WHRN: variants seen among roughly 807,000 people sequenced by gnomAD.
The protein encoded by WHRN is CASK-interacting protein CIP98.
WHRN carries 41 observed loss-of-function variants against 68.3 expected under a neutral mutation model. The observed-to-expected ratio is 0.60, with a 90% CI of 0.47 to 0.78. The LOEUF is 0.78. WHRN is among the 30% of genes least tolerant of loss of function. The pLI is 0.00. For synonymous variants in WHRN, 560 were observed against 561.3 expected, an observed-to-expected ratio of 1.00 and a Z score of 0.03; for missense variants, 1,243 against 1,244.7, an observed-to-expected ratio of 1.00 and a Z score of 0.02.
chr9:114,457,681 C>T (rs1032831731), intron 3 of WHRN, among the ~76,000 whole-genome samples: 3 of 152,022 alleles, frequency 2.0e-5, no homozygotes, highest in African/African-American at 4.8e-5. Flanking sequence ...TTTGGGAGGC[C>T]GAGGCGGGTG....
At chr9:114,467,345 TACAG>T (rs1382796014) in intron 2 of WHRN, among the ~76,000 whole-genome samples, 3 of 151,858 alleles carry the variant, frequency 2.0e-5, no homozygotes, top group Non-Finnish European at 4.4e-5. Flanking sequence ...AGTCTAGTGG[TACAG>T]ACAGTCAACA....
chr9:114,432,923 C>T (rs925048961), intron 3 of WHRN, among the ~76,000 whole-genome samples: 5 of 152,184 alleles, frequency 3.3e-5, no homozygotes, highest in African/African-American at 1.2e-4. Context: ...CTCAGCGCCA[C>T]CCTCTACCTT....
intron 2 of WHRN, among the ~76,000 whole-genome samples, chr9:114,467,877 C>G (rs773156588): frequency 6.6e-6 from 1 of 152,146 alleles, no homozygotes; most frequent in Non-Finnish European, 1.5e-5. Flanking sequence ...TGACTGCCCA[C>G]GGGACAGGGA....
intron 2 of WHRN, among the ~76,000 whole-genome samples, chr9:114,475,964 T>G (rs934372957): frequency 6.6e-6 from 1 of 152,088 alleles, no homozygotes; most frequent in African/African-American, 2.4e-5. Flanking sequence ...AGCCTTCACC[T>G]CTGCATTATT....
At chr9:114,493,774 T>C (rs1445888041) in intron 1 of WHRN, among the ~76,000 whole-genome samples, 1 of 152,086 alleles carries the variant, frequency 6.6e-6, no homozygotes. Flanking sequence ...TGAAATCTAG[T>C]CAATAAAATG....
intron 7 of WHRN, among the ~76,000 whole-genome samples, chr9:114,422,170 T>A (rs1415526932): frequency 6.6e-6 from 1 of 152,192 alleles, no homozygotes; most frequent in Non-Finnish European, 1.5e-5. Flanking sequence ...TAATACCGTA[T>A]CTACCTCCAG....
At chr9:114,486,883 TTAGTGTGTG>T (rs200679862) in intron 1 of WHRN, among the ~76,000 whole-genome samples, 1,129 of 19,942 alleles carry the variant, frequency 0.057, 33 homozygotes, top group South Asian at 0.49. Flanking sequence ...GATGATTAAA[TTAGTGTGTG>T]TGTGTGTGTG....
chr9:114,439,578 G>A (rs762745343), intron 3 of WHRN, among the ~76,000 whole-genome samples: 1 of 152,112 alleles, frequency 6.6e-6, no homozygotes, highest in African/African-American at 2.4e-5. Flanking sequence ...GTGAACTTAC[G>A]TTTTAGACAA....
intron 2 of WHRN, among the ~76,000 whole-genome samples, chr9:114,472,986 TG>T (rs964627833): frequency 6.6e-6 from 1 of 152,190 alleles, no homozygotes; most frequent in African/African-American, 2.4e-5. Context: ...TCAAACCCAG[TG>T]CTGCTGAGCC....
intron 3 of WHRN, among the ~76,000 whole-genome samples, chr9:114,434,780 T>C (rs1837707300): frequency 6.6e-6 from 1 of 152,162 alleles, no homozygotes; most frequent in Admixed American, 6.5e-5. Context: ...GAAGACAGAT[T>C]CATTTAAACT....
At position 114,483,068 on chromosome 9, in the gene WHRN, C is replaced by T. The variant is rs549797984; in HGVS notation, c.619-4297G>A. ...AGGACTCTGAGATTAGAAACTCAGA[C>T]AGCCACTCAAGCGTAGACCATTCAT... On this transcript the variant is annotated intron_variant, in intron 1 of 11. Transcript: ENST00000362057. Among the ~76,000 whole-genome samples the T allele has an allele frequency of 3.1e-4, 47 of 152,324 alleles. 1 individual carries two copies. The highest frequency in any genetic ancestry group is 2.6e-4 in the Non-Finnish European group (18 of 68,038).
intron 2 of WHRN, among the ~76,000 whole-genome samples, chr9:114,475,170 A>G (rs1009066935): frequency 1.3e-5 from 2 of 152,186 alleles, no homozygotes; most frequent in African/African-American, 4.8e-5. Context: ...AAAAAAATTA[A>G]AAGTAAGCAG....
At chr9:114,499,567 C>T (rs1485752489) in intron 1 of WHRN, among the ~76,000 whole-genome samples, 2 of 152,224 alleles carry the variant, frequency 1.3e-5, no homozygotes, top group East Asian at 1.9e-4. Context: ...CAGTTGGAGC[C>T]TAATCCCCTA....
intron 3 of WHRN, among the ~76,000 whole-genome samples, chr9:114,464,538 C>T (rs558413399): frequency 6.6e-6 from 1 of 152,324 alleles, no homozygotes; most frequent in Admixed American, 6.5e-5. Flanking sequence ...GCTCCACCCT[C>T]ATGACCTAAT....
intron 3 of WHRN, among the ~76,000 whole-genome samples, chr9:114,464,816 A>AATGATGATG (rs10523063): frequency 6.9e-6 from 1 of 144,748 alleles, no homozygotes; most frequent in Non-Finnish European, 1.5e-5. Flanking sequence ...TTATGTCCAT[A>AATGATGATG]ATGATGATGA....
chr9:114,466,394 T>C lies in WHRN; in HGVS notation c.838-2A>G. On this transcript the variant is annotated splice_acceptor_variant, in intron 2 of 11. Coordinates refer to ENST00000362057, the MANE Select transcript of WHRN (RefSeq NM_015404.4). LOFTEE classifies it high-confidence loss of function. ...GCCGTCCCCCAGCACCAGGTTCACCTGTCAGAGGGAGAGGATAACATTAGA... is the reference window on the plus strand; with the variant it reads ...GCCGTCCCCCAGCACCAGGTTCACCCGTCAGAGGGAGAGGATAACATTAGA... The C allele has an allele frequency of 6.2e-7, 1 of 1,614,008 alleles. No individual in the cohort carries two copies. Among genetic ancestry groups the C allele is most frequent in the Non-Finnish European group, 8.5e-7 (1 of 1,180,018 alleles).
chr9:114,406,887 A>G lies in WHRN; in HGVS notation c.1704T>C (p.Asp568=). Residue 568 remains aspartate (D), a synonymous_variant, in exon 9 of 12, where the codon GAT becomes GAC. Coordinates refer to ENST00000362057, the MANE Select transcript of WHRN (RefSeq NM_015404.4). ...ACAGCCCCTGGGAGGTGGATCTGAC[A>G]TCATCCTGCCAAAAGACCCAACAGG... ...INALPDVSVD[D]VRSTSQGLSS... is the part of the protein sequence containing the mutation. 1 of 1,572,688 alleles carries G rather than the reference A, an allele frequency of 6.4e-7. No homozygotes were observed. The highest frequency in any genetic ancestry group is 8.6e-7 in the Non-Finnish European group (1 of 1,159,054).
chr9:114,491,446 T>G (rs1300728898), intron 1 of WHRN: 3 of 143,330 alleles, frequency 2.1e-5, no homozygotes, highest in Non-Finnish European at 4.7e-5. Flanking sequence ...AATATATACG[T>G]GTAAATACAT....
chr9:114,419,939 G>C (rs1367774666), intron 7 of WHRN, among the ~76,000 whole-genome samples: 1 of 152,108 alleles, frequency 6.6e-6, no homozygotes, highest in Admixed American at 6.5e-5. Flanking sequence ...ACCAGGACTG[G>C]GTGCAGACAT....
Sources: gnomAD v4.1 joint callset for allele counts (sites outside exome capture counted in the v4.1 genomes callset) on GRCh38, gnomAD v4.1.1 for gene constraint, MANE v1.5 for transcripts, NCBI Gene and HGNC (gene_info 2026-07-23, HGNC 2026-07-21) for gene names.